CREM: variants seen among roughly 807,000 people sequenced by gnomAD.
The protein encoded by CREM is cAMP-responsive element modulator.
CREM carries 13 observed loss-of-function variants against 37.3 expected under a neutral mutation model. The ratio of observed to expected loss-of-function variants is 0.35; its 90% confidence interval spans 0.23 to 0.55. CREM has a LOEUF of 0.55. CREM is among the 20% of genes least tolerant of loss of function. The probability of loss-of-function intolerance (pLI) is 0.88; values close to 1 mark genes in which losing one functional copy is unlikely to be tolerated. For synonymous variants in CREM, 124 were observed against 120.2 expected (o/e 1.03, Z -0.21); for missense variants, 296 against 362.3 (o/e 0.82, Z 1.49).
intron 1 of CREM, among the ~76,000 whole-genome samples, chr10:35,137,526 A>G (rs1225803013): frequency 2.0e-5 from 3 of 152,210 alleles, no homozygotes; most frequent in South Asian, 2.1e-4. Context: ...AGTTTTGTCA[A>G]TTTTTTTCCC....
At chr10:35,144,074 G>T (rs2091784636) in intron 2 of CREM, among the ~76,000 whole-genome samples, 2 of 152,190 alleles carry the variant, frequency 1.3e-5, no homozygotes, top group African/African-American at 4.8e-5. Context: ...TTAGGAAAAG[G>T]CCCATTGTCT....
At chr10:35,196,192 C>A (rs2095159391) in intron 6 of CREM, 20 of 1,281,728 alleles carry the variant, frequency 1.6e-5, no homozygotes, top group Non-Finnish European at 2.1e-5. Context: ...TTTACTCTTA[C>A]TCCATCCTCT....
intron 3 of CREM, among the ~76,000 whole-genome samples, chr10:35,157,942 C>G (rs906490994): frequency 2.6e-5 from 4 of 151,918 alleles, no homozygotes; most frequent in Admixed American, 6.6e-5. Flanking sequence ...TTTTTATGTA[C>G]TAATAGTGAA....
chr10:35,133,947 T>C (rs1455159647), intron 1 of CREM, among the ~76,000 whole-genome samples: 1 of 152,252 alleles, frequency 6.6e-6, no homozygotes, highest in Non-Finnish European at 1.5e-5. Context: ...AAGTAAACTT[T>C]GGTATTCTAG....
In CREM at chr10:35,162,405, T is replaced by C. The variant is rs142953958; in HGVS notation, c.168+13914T>C. Among the ~76,000 whole-genome samples, 588 of 152,248 alleles carry C rather than the reference T, an allele frequency of 3.9e-3. 7 individuals carry two copies. The highest frequency in any genetic ancestry group is 0.014 in the African/African-American group (565 of 41,552). On this transcript the variant is annotated intron_variant, in intron 3 of 7. Coordinates refer to ENST00000685392, the MANE Select transcript of CREM (RefSeq NM_183011.2). ...GTATTGTTGAAAAATGCAGAGATAG[T>C]TGAATGTTAATAATGTTCTCACCAC...
intron 6 of CREM, among the ~76,000 whole-genome samples, chr10:35,200,170 G>A (rs1422757908): frequency 6.6e-6 from 1 of 152,116 alleles, no homozygotes; most frequent in Admixed American, 6.5e-5. Flanking sequence ...TTACAGGCAT[G>A]AGCCACCACA....
chr10:35,148,614 T>C, intron 3 of CREM, 123 bp downstream of exon 3: 1 of 1,118,980 alleles, frequency 8.9e-7, no homozygotes, highest in Non-Finnish European at 1.2e-6. Context: ...CCATTCTTGC[T>C]TATTTGATTG....
chr10:35,140,488 A>C (rs2091268107), intron 2 of CREM, among the ~76,000 whole-genome samples: 1 of 152,184 alleles, frequency 6.6e-6, no homozygotes, highest in African/African-American at 2.4e-5. Context: ...TTATAATAAC[A>C]CCTGACAGTT....
Position 35,156,076 on chromosome 10 carries a change from A to T in CREM, c.168+7585A>T, listed in dbSNP as rs188004617. Reference sequence around the variant, plus strand: ...TGCCTCAGCCTCCTTAGTAGCAGAGACTACAGGCGCCCGCCACCACACCTG... The same window carrying T: ...TGCCTCAGCCTCCTTAGTAGCAGAGTCTACAGGCGCCCGCCACCACACCTG... On this transcript the variant is annotated intron_variant, in intron 3 of 7. Coordinates refer to ENST00000685392, the MANE Select transcript of CREM (RefSeq NM_183011.2). Among the ~76,000 whole-genome samples the T allele has an allele frequency of 4.5e-3, 675 of 150,260 alleles. 8 individuals are homozygous for T. Among genetic ancestry groups the T allele is most frequent in the African/African-American group, 0.015 (627 of 40,746 alleles).
rs140316090 is a variant in CREM at position 35,188,424 on chromosome 10, A to G, written c.598+36A>G. 5.3e-5 allele frequency: 82 copies of G among 1,542,680 alleles called. 1 individual carries two copies. Among genetic ancestry groups the G allele is most frequent in the South Asian group, 4.8e-4 (39 of 81,184 alleles). Reference sequence around the variant, plus strand: ...TTAATCTAATACATTTAGAATACCTATGGATTACTATATCACACCATTGAG... The same window carrying G: ...TTAATCTAATACATTTAGAATACCTGTGGATTACTATATCACACCATTGAG... On this transcript the variant is annotated intron_variant, in intron 6 of 7. Coordinates refer to ENST00000685392, the MANE Select transcript of CREM (RefSeq NM_183011.2).
At chr10:35,163,482 G>C (rs2045914) in intron 3 of CREM, among the ~76,000 whole-genome samples, 2,849 of 152,092 alleles carry the variant, frequency 0.019, 95 homozygotes, top group African/African-American at 0.065. Flanking sequence ...ACAGGAGTTC[G>C]AGACCAGCCT....
chr10:35,172,058 A>G (rs984963380), intron 3 of CREM, among the ~76,000 whole-genome samples: 4 of 152,200 alleles, frequency 2.6e-5, no homozygotes, highest in African/African-American at 9.7e-5. Context: ...ACTAAAGATC[A>G]TGTCCCAATT....
chr10:35,168,589 G>A (rs2093662113), intron 3 of CREM, among the ~76,000 whole-genome samples: 1 of 152,166 alleles, frequency 6.6e-6, no homozygotes, highest in African/African-American at 2.4e-5. Context: ...CTGTGCAGAA[G>A]CTCTTTAGTT....
intron 6 of CREM, among the ~76,000 whole-genome samples, chr10:35,203,946 A>G (rs2095453257): frequency 6.6e-6 from 1 of 152,168 alleles, no homozygotes; most frequent in East Asian, 1.9e-4. Flanking sequence ...ACCTGGTGTC[A>G]TGTAAACTTC....
intron 6 of CREM, among the ~76,000 whole-genome samples, chr10:35,197,484 G>T (rs578165723): frequency 6.7e-6 from 1 of 149,388 alleles, no homozygotes; most frequent in African/African-American, 2.5e-5. Context: ...ACGGAGTCTC[G>T]CTCTGTCGCC....
chr10:35,207,771 TAAA>T (rs58994923), intron 7 of CREM, among the ~76,000 whole-genome samples: 2 of 148,062 alleles, frequency 1.4e-5, no homozygotes, highest in Non-Finnish European at 3.0e-5. Context: ...GACTCCGTCT[TAAA>T]AAAAAAAAAT....
At chr10:35,172,709 A>ACC (rs112092873) in intron 3 of CREM, among the ~76,000 whole-genome samples, 156 of 151,652 alleles carry the variant, frequency 1.0e-3, no homozygotes, top group Middle Eastern at 3.4e-3. Context: ...TGCAGAAAGC[A>ACC]CCCCCCCGCT....
chr10:35,201,035 T>C (rs1253303329), intron 6 of CREM, among the ~76,000 whole-genome samples: 1 of 151,964 alleles, frequency 6.6e-6, no homozygotes, highest in Non-Finnish European at 1.5e-5. Context: ...CTGATGAGAG[T>C]ATATCTTTGG....
intron 2 of CREM, among the ~76,000 whole-genome samples, chr10:35,142,958 T>C (rs1267845387): frequency 6.6e-6 from 1 of 152,072 alleles, no homozygotes; most frequent in Non-Finnish European, 1.5e-5. Flanking sequence ...TCATCTGCCT[T>C]GGTGCAGGCA....
Sources: gnomAD v4.1 joint callset for allele counts (sites outside exome capture counted in the v4.1 genomes callset) on GRCh38, gnomAD v4.1.1 for gene constraint, MANE v1.5 for transcripts, NCBI Gene and HGNC (gene_info 2026-07-23, HGNC 2026-07-21) for gene names.